CUX2: variants seen among roughly 807,000 people sequenced by gnomAD.
CUX2 encodes cut like homeobox 2.
In CUX2, 40 loss-of-function variants were observed where a neutral mutation model predicts 144.8. The observed-to-expected ratio is 0.28, with a 90% CI of 0.21 to 0.36. The LOEUF (loss-of-function observed/expected upper bound fraction) is 0.36. Ranked by LOEUF, CUX2 falls within the 10% of genes least tolerant of loss-of-function variation. CUX2 has a pLI of 1.00. For synonymous variants in CUX2, 827 were observed against 875.6 expected (o/e 0.94, Z 0.98); for missense variants, 1,615 against 1,994.0 (o/e 0.81, Z 3.62).
intron 3 of CUX2, among the ~76,000 whole-genome samples, chr12:111,233,084 C>T (rs749550050): frequency 5.3e-5 from 8 of 152,104 alleles, no homozygotes; most frequent in African/African-American, 1.4e-4. Flanking sequence ...AAGAGAGGAA[C>T]GGCATGCCAG....
chr12:111,170,747 C>A (rs1156276656), intron 1 of CUX2, among the ~76,000 whole-genome samples: 2 of 151,970 alleles, frequency 1.3e-5, no homozygotes, highest in Non-Finnish European at 2.9e-5. Context: ...CATTCTCCGA[C>A]AGAAAGAGGA....
chr12:111,166,472 G>A (rs1021895181), intron 1 of CUX2, among the ~76,000 whole-genome samples: 2 of 152,192 alleles, frequency 1.3e-5, no homozygotes, highest in Admixed American at 6.5e-5. Context: ...TATTGAGCAT[G>A]GACTAAGTGC....
chr12:111,300,480 C>T (rs999044139), intron 9 of CUX2, among the ~76,000 whole-genome samples: 1 of 152,098 alleles, frequency 6.6e-6, no homozygotes, highest in Non-Finnish European at 1.5e-5. Context: ...CTTACTTTTC[C>T]CCGTCTATAT....
chr12:111,238,505 G>T (rs999317462), intron 3 of CUX2, among the ~76,000 whole-genome samples: 3 of 152,218 alleles, frequency 2.0e-5, no homozygotes, highest in Admixed American at 2.0e-4. Flanking sequence ...CAGATGAGAT[G>T]AATGAGGCAC....
intron 10 of CUX2, among the ~76,000 whole-genome samples, chr12:111,305,368 G>GTGTCTA (rs1006282351): frequency 2.0e-5 from 3 of 152,280 alleles, no homozygotes; most frequent in African/African-American, 7.2e-5. Context: ...ACAGGCCCAG[G>GTGTCTA]TGTCTATGTC....
chr12:111,282,921 G>A (rs1372518345), intron 4 of CUX2, among the ~76,000 whole-genome samples: 1 of 151,826 alleles, frequency 6.6e-6, no homozygotes, highest in African/African-American at 2.4e-5. Flanking sequence ...ACAATCTAGA[G>A]GATACCATAG....
chr12:111,180,966 G>A (rs929085886), intron 1 of CUX2, among the ~76,000 whole-genome samples: 4 of 152,216 alleles, frequency 2.6e-5, no homozygotes, highest in Non-Finnish European at 5.9e-5. Flanking sequence ...GCCACATAAT[G>A]GGTATCATAA....
intron 1 of CUX2, among the ~76,000 whole-genome samples, chr12:111,154,490 G>T (rs1004172894): frequency 1.3e-5 from 2 of 152,066 alleles, no homozygotes; most frequent in Non-Finnish European, 1.5e-5. Flanking sequence ...CCACCTTTTT[G>T]ATCATCGTAA....
intron 6 of CUX2, among the ~76,000 whole-genome samples, chr12:111,294,196 G>A (rs576535023): frequency 4.6e-5 from 7 of 152,230 alleles, no homozygotes; most frequent in Non-Finnish European, 2.9e-5. Flanking sequence ...CAACCTCCAC[G>A]TTCCGGGTTT....
chr12:111,330,698 T>C (rs867076636), intron 18 of CUX2, among the ~76,000 whole-genome samples: 319 of 10,730 alleles, frequency 0.03, 2 homozygotes, highest in African/African-American at 0.095. Context: ...TATATATATA[T>C]ATATATATAT....
chr12:111,118,357 T>C (rs1428552436), intron 1 of CUX2, among the ~76,000 whole-genome samples: 2 of 152,208 alleles, frequency 1.3e-5, no homozygotes, highest in African/African-American at 4.8e-5. Flanking sequence ...ATACAACATG[T>C]TAAAGCATGA....
chr12:111,161,008 C>T (rs970198237), intron 1 of CUX2, among the ~76,000 whole-genome samples: 1 of 152,144 alleles, frequency 6.6e-6, no homozygotes, highest in Non-Finnish European at 1.5e-5. Context: ...GAGGGGTTAT[C>T]AGGTCCGCAG....
intron 4 of CUX2, among the ~76,000 whole-genome samples, chr12:111,286,413 C>T (rs1401012025): frequency 1.3e-5 from 2 of 152,158 alleles, no homozygotes; most frequent in Non-Finnish European, 2.9e-5. Flanking sequence ...CTGCCTCTCT[C>T]AATATCTTTT....
At chr12:111,345,378 G>A (rs1463019262) in intron 21 of CUX2, among the ~76,000 whole-genome samples, 1 of 147,630 alleles carries the variant, frequency 6.8e-6, no homozygotes, top group East Asian at 2.1e-4. Context: ...AGGAGGCGGA[G>A]GTTGCAGTGA....
chr12:111,214,731 G>A (rs1881436527), intron 2 of CUX2, among the ~76,000 whole-genome samples: 1 of 151,958 alleles, frequency 6.6e-6, no homozygotes, highest in Non-Finnish European at 1.5e-5. Flanking sequence ...TCTGAAACTC[G>A]GCCTCTCACC....
At chr12:111,306,505 C>T (rs1329813518) in intron 10 of CUX2, among the ~76,000 whole-genome samples, 2 of 151,950 alleles carry the variant, frequency 1.3e-5, no homozygotes, top group Non-Finnish European at 2.9e-5. Flanking sequence ...AGGAAAGAGC[C>T]GCCCATAACG....
rs1877661619 is a variant in CUX2, at chr12:111,160,169, G to A, written c.64-54031G>A. ...AGAAGAATGTCTCCTGGGACAGGCA[G>A]CATAGGACGGGGCTAGGGGGACATT... On this transcript the variant is annotated intron_variant, in intron 1 of 21. Transcript: ENST00000261726. This position sits in a 1 kb window ranked among gnomAD's most constrained non-coding sequence, Gnocchi z 4.1. 6.6e-6 allele frequency among the ~76,000 whole-genome samples: 1 copy of A among 152,240 alleles called. No individual in the cohort carries two copies. Among genetic ancestry groups the A allele is most frequent in the African/African-American group, 2.4e-5 (1 of 41,466 alleles).
intron 4 of CUX2, among the ~76,000 whole-genome samples, chr12:111,265,748 GC>G (rs1413829066): frequency 6.6e-6 from 1 of 152,112 alleles, no homozygotes; most frequent in Non-Finnish European, 1.5e-5. Flanking sequence ...CAATGGCAGA[GC>G]CCGGAGGAGG....
chr12:111,332,402 G>A (rs1238368659), intron 18 of CUX2, among the ~76,000 whole-genome samples: 2 of 151,892 alleles, frequency 1.3e-5, no homozygotes, highest in African/African-American at 2.4e-5. Context: ...CAAATTGCTG[G>A]GATTATGGGC....
Sources: allele counts gnomAD v4.1 joint callset (sites outside exome capture counted in the v4.1 genomes callset), GRCh38; gene constraint gnomAD v4.1.1; non-coding constraint Gnocchi (gnomAD v3.1); transcripts MANE v1.5; gene names NCBI Gene and HGNC (gene_info 2026-07-23, HGNC 2026-07-21).